MAST4: variants seen among roughly 807,000 people sequenced by gnomAD.
MAST4 encodes the protein microtubule-associated serine/threonine-protein kinase 4.
In MAST4, 89 loss-of-function variants were observed where a neutral mutation model predicts 162.7. The ratio of observed to expected loss-of-function variants is 0.55; its 90% CI spans 0.46 to 0.65. The LOEUF (loss-of-function observed/expected upper bound fraction) is 0.65, where lower values mean the gene tolerates loss of function less well. Ranked by LOEUF, MAST4 falls within the 30% of genes least tolerant of loss-of-function variation. MAST4 has a pLI of 0.00. For missense variants in MAST4, 3,153 were observed against 3,374.0 expected, an observed-to-expected ratio of 0.93 and a Z score of 1.62; for synonymous variants, 1,479 against 1,361.1, an observed-to-expected ratio of 1.09 and a Z score of -1.91.
At chr5:67,084,169 C>T (rs900638245) in intron 5 of MAST4, among the ~76,000 whole-genome samples, 10 of 152,198 alleles carry the variant, frequency 6.6e-5, no homozygotes, top group Admixed American at 6.5e-5. Flanking sequence ...CTCTCTTCCA[C>T]GCCCTACATG....
chr5:67,009,186 G>A (rs928873004), intron 4 of MAST4, among the ~76,000 whole-genome samples: 3 of 111,272 alleles, frequency 2.7e-5, no homozygotes, highest in Non-Finnish European at 4.4e-5. Context: ...GTACATATAA[G>A]CCATAGGAGC....
At chr5:66,757,695 AGAG>A (rs1753625137) in intron 1 of MAST4, among the ~76,000 whole-genome samples, 1 of 152,172 alleles carries the variant, frequency 6.6e-6, no homozygotes, top group South Asian at 2.1e-4. Context: ...GCATGTGTGA[AGAG>A]GAGAGAGAGC....
intron 7 of MAST4, among the ~76,000 whole-genome samples, chr5:67,099,561 T>C (rs1337689845): frequency 1.3e-5 from 2 of 152,182 alleles, no homozygotes; most frequent in African/African-American, 2.4e-5. Context: ...AAAATACGCT[T>C]ATTCTAACCA....
chr5:66,729,266 G>T (rs778473798), intron 1 of MAST4, among the ~76,000 whole-genome samples: 7 of 152,112 alleles, frequency 4.6e-5, no homozygotes, highest in Non-Finnish European at 8.8e-5. Flanking sequence ...CTTTGAAAAG[G>T]GATATCTGTT....
chr5:66,860,886 G>A (rs1760065218), intron 3 of MAST4, among the ~76,000 whole-genome samples: 1 of 152,086 alleles, frequency 6.6e-6, no homozygotes, highest in Admixed American at 6.5e-5. Context: ...TATGCTGACA[G>A]CATGGGAAAG....
intron 4 of MAST4, among the ~76,000 whole-genome samples, chr5:66,901,098 C>G (rs1310990417): frequency 6.6e-6 from 1 of 152,074 alleles, no homozygotes; most frequent in Non-Finnish European, 1.5e-5. Flanking sequence ...GTTGCCGAAA[C>G]TTGGAAAAGT....
intron 10 of MAST4, among the ~76,000 whole-genome samples, chr5:67,109,328 CCTGACCTCATGTGATGAGTG>C (rs1214643841): frequency 1.3e-5 from 2 of 152,034 alleles, no homozygotes; most frequent in Admixed American, 6.6e-5. Context: ...AATTCTCATA[CCTGACCTCATGTGATGAGTG>C]CACAAAGTTC....
chr5:66,779,357 G>T (rs993328817), intron 2 of MAST4, among the ~76,000 whole-genome samples: 6 of 147,146 alleles, frequency 4.1e-5, no homozygotes, highest in Non-Finnish European at 7.4e-5. Flanking sequence ...TCACGACTCT[G>T]CTTTGGACTT....
intron 1 of MAST4, among the ~76,000 whole-genome samples, chr5:66,717,957 C>G (rs1309126277): frequency 6.6e-6 from 1 of 152,188 alleles, no homozygotes; most frequent in East Asian, 1.9e-4. Flanking sequence ...CACCTCCCCA[C>G]AGCTGTTAGC....
intron 3 of MAST4, among the ~76,000 whole-genome samples, chr5:66,899,308 G>A (rs961949470): frequency 1.4e-4 from 21 of 152,270 alleles, no homozygotes; most frequent in African/African-American, 4.6e-4. Context: ...AGATAAGTGT[G>A]AAGGCACCCT....
intron 4 of MAST4, among the ~76,000 whole-genome samples, chr5:66,944,184 A>G (rs754378475): frequency 1.1e-4 from 17 of 152,126 alleles, no homozygotes; most frequent in Non-Finnish European, 1.3e-4. Flanking sequence ...CATGAGTTGC[A>G]TTGCATCTGT....
At chr5:66,955,678 A>G (rs1404029089) in intron 4 of MAST4, among the ~76,000 whole-genome samples, 3 of 152,136 alleles carry the variant, frequency 2.0e-5, no homozygotes, top group Non-Finnish European at 4.4e-5. Flanking sequence ...TTCATATGTA[A>G]ATATTTTTGT....
intron 1 of MAST4, among the ~76,000 whole-genome samples, chr5:66,701,888 A>G (rs1429948785): frequency 6.6e-6 from 1 of 152,266 alleles, no homozygotes; most frequent in Non-Finnish European, 1.5e-5. Flanking sequence ...TACCTAAAAC[A>G]TGAACTTTGC....
At chr5:66,760,979 AAAG>A (rs1395567579) in intron 2 of MAST4, among the ~76,000 whole-genome samples, 1 of 152,238 alleles carries the variant, frequency 6.6e-6, no homozygotes, top group African/African-American at 2.4e-5. Context: ...TAAAATTAGA[AAAG>A]AAACTGCTAA....
At chr5:66,638,473 T>C (rs1745272228) in intron 1 of MAST4, among the ~76,000 whole-genome samples, 1 of 152,170 alleles carries the variant, frequency 6.6e-6, no homozygotes, top group Non-Finnish European at 1.5e-5. Flanking sequence ...GGACCAGCAG[T>C]GTTTTAGGTT....
At chr5:66,822,923 T>C (rs1580538730) in intron 3 of MAST4, among the ~76,000 whole-genome samples, 1 of 152,208 alleles carries the variant, frequency 6.6e-6, no homozygotes, top group South Asian at 2.1e-4. Flanking sequence ...CCAGCTGATA[T>C]GGTTTGGCTT....
intron 4 of MAST4, among the ~76,000 whole-genome samples, chr5:66,910,745 T>C (rs868454958): frequency 1.5e-5 from 2 of 135,950 alleles, no homozygotes; most frequent in African/African-American, 5.4e-5. Flanking sequence ...TTTTTTCTTT[T>C]TTTTTTTTTC....
At chr5:66,713,524 T>C (rs992414825) in intron 1 of MAST4, among the ~76,000 whole-genome samples, 15 of 152,226 alleles carry the variant, frequency 9.9e-5, no homozygotes, top group African/African-American at 3.6e-4. Flanking sequence ...TATTAGGAAA[T>C]ACATTACTCA....
chr5:66,996,096 A>G (rs550774014), intron 4 of MAST4, among the ~76,000 whole-genome samples: 1 of 152,170 alleles, frequency 6.6e-6, no homozygotes, highest in East Asian at 1.9e-4. Context: ...TGGCCAACAT[A>G]GTGAAATCCT....
Sources: allele counts gnomAD v4.1 joint callset (sites outside exome capture counted in the v4.1 genomes callset), GRCh38; gene constraint gnomAD v4.1.1; transcripts MANE v1.5; gene names NCBI Gene and HGNC (gene_info 2026-07-23, HGNC 2026-07-21).